SCAF11: variants seen among roughly 807,000 people sequenced by gnomAD.
SCAF11 encodes the protein protein SCAF11.
In SCAF11, 47 loss-of-function variants were observed where a neutral mutation model predicts 140.5. That is an observed-to-expected ratio of 0.33 (90% CI 0.26 to 0.43). The LOEUF (loss-of-function observed/expected upper bound fraction) is 0.43, where lower values mean the gene tolerates loss of function less well. Ranked by LOEUF, SCAF11 falls within the 20% of genes least tolerant of loss-of-function variation. The probability of loss-of-function intolerance (pLI) is 1.00; values close to 1 mark genes in which losing one functional copy is unlikely to be tolerated. For missense variants in SCAF11, 1,645 were observed against 1,705.1 expected, an observed-to-expected ratio of 0.96 and a Z score of 0.62; for synonymous variants, 557 against 579.4, an observed-to-expected ratio of 0.96 and a Z score of 0.55.
chr12:45,941,902 T>A (rs1436053761), intron 6 of SCAF11, among the ~76,000 whole-genome samples: 17 of 152,190 alleles, frequency 1.1e-4, no homozygotes, highest in Non-Finnish European at 2.9e-5. Flanking sequence ...CCCTTCCACC[T>A]TTTCTGCCAT....
chr12:45,949,812 T>C (rs572645705), intron 4 of SCAF11, among the ~76,000 whole-genome samples: 25 of 152,228 alleles, frequency 1.6e-4, no homozygotes, highest in African/African-American at 5.5e-4. Flanking sequence ...TGGCTCTCAG[T>C]AAAGAAGTCT....
Position 45,927,973 on chromosome 12 carries a change from C to T in SCAF11, c.1728G>A (p.Glu576=), listed in dbSNP as rs1474371028. 12 of 1,613,094 alleles carry T rather than the reference C, an allele frequency of 7.4e-6. No homozygotes were observed. The highest frequency in any genetic ancestry group is 2.7e-5 in the African/African-American group (2 of 74,908). Residue 576 remains glutamate (E), a synonymous_variant, in exon 11 of 15, where the codon GAG becomes GAA. Transcript: ENST00000369367. ...CPLSDLSENV[E]SVVNEEKITE... ...TTATTTTTTCTTCATTAACCACTGA[C>T]TCTACATTCTCAGATAAGTCACTTA...
rs377258916 is a variant in SCAF11, at chr12:45,926,754, G to A, written c.2947C>T (p.Arg983Trp). The change falls in exon 11 of 15, where the codon CGG becomes TGG. Residue 983 changes from arginine (R) to tryptophan (W), a missense_variant. By Grantham distance (101) the Arg-to-Trp change is moderately radical (BLOSUM62 -3). Coordinates refer to ENST00000369367, the MANE Select transcript of SCAF11 (RefSeq NM_004719.3). ...DGWRCPRGNDRYRKNDPEKQN... is the reference protein window; with the variant it reads ...DGWRCPRGNDWYRKNDPEKQN... ...TTCTCTGGGTCATTCTTTCTGTACC[G>A]ATCATTTCCTCGTGGACATCTCCAA... 56 of 1,613,796 alleles carry A rather than the reference G, an allele frequency of 3.5e-5. No homozygotes were observed. The highest frequency in any genetic ancestry group is 2.6e-4 in the South Asian group (24 of 91,066).
rs773693683 is a variant in SCAF11, at chr12:45,961,863, AAAGT to A, written c.62-10_62-7del. 6.3e-7 allele frequency: 1 copy of A among 1,595,398 alleles called. No homozygotes were observed. The highest frequency in any genetic ancestry group is 8.5e-7 in the Non-Finnish European group (1 of 1,172,232). ...ATTATCTCCGTTTTCTTCACCTGTTAAAGTAAAACAGCCATATGTGCTTTCAAGT... is the reference window on the plus strand; with the variant it reads ...ATTATCTCCGTTTTCTTCACCTGTTAAAAACAGCCATATGTGCTTTCAAGT... On this transcript the variant is annotated splice_polypyrimidine_tract_variant and splice_region_variant and intron_variant, in intron 2 of 14. Coordinates refer to ENST00000369367, the MANE Select transcript of SCAF11 (RefSeq NM_004719.3).
chr12:45,922,133 T>A lies in SCAF11; in HGVS notation c.4307A>T (p.Tyr1436Phe). ...STKVANLVKA[Y>F]VDKYKYSRKG... ...CCGTGAATATTTGTATTTGTCTACA[T>A]AGGCTTTAACCAGATTTGCCACTTT... The change falls in exon 15 of 15, where the codon TAT becomes TTT. Residue 1436 changes from tyrosine (Y) to phenylalanine (F), a missense_variant. By Grantham distance (22) the Tyr-to-Phe change is conservative. Coordinates refer to ENST00000369367, the MANE Select transcript of SCAF11 (RefSeq NM_004719.3). The A allele has an allele frequency of 6.2e-7, 1 of 1,613,932 alleles. No individual in the cohort carries two copies. The highest frequency in any genetic ancestry group is 8.5e-7 in the Non-Finnish European group (1 of 1,179,934).
chr12:45,924,401 G>C (rs1944794940), intron 12 of SCAF11, among the ~76,000 whole-genome samples: 1 of 152,012 alleles, frequency 6.6e-6, no homozygotes, highest in Non-Finnish European at 1.5e-5. Context: ...GTGCAAAACA[G>C]GGGAAAAATG....
At chr12:45,977,495 T>C (rs192814249) in intron 1 of SCAF11, among the ~76,000 whole-genome samples, 3 of 152,250 alleles carry the variant, frequency 2.0e-5, no homozygotes, top group East Asian at 3.9e-4. Flanking sequence ...TTGACTGTAG[T>C]GGTAATACAG....
At chr12:45,981,661 G>A (rs1225424871) in intron 1 of SCAF11, among the ~76,000 whole-genome samples, 2 of 152,078 alleles carry the variant, frequency 1.3e-5, no homozygotes, top group African/African-American at 2.4e-5. Context: ...GCCGAGTGTG[G>A]TGGCATGCCT....
At chr12:45,963,298 A>G (rs569261380) in intron 2 of SCAF11, among the ~76,000 whole-genome samples, 1 of 152,310 alleles carries the variant, frequency 6.6e-6, no homozygotes, top group South Asian at 2.1e-4. Flanking sequence ...CCTAGAAACA[A>G]TGGAGTAAAA....
intron 4 of SCAF11, among the ~76,000 whole-genome samples, chr12:45,949,175 T>C (rs940200550): frequency 2.0e-5 from 3 of 152,162 alleles, no homozygotes; most frequent in Admixed American, 6.6e-5. Context: ...CAGGCTCTTA[T>C]AGATAAACTA....
chr12:45,948,897 GA>G (rs1945486483), intron 4 of SCAF11, among the ~76,000 whole-genome samples: 1 of 151,968 alleles, frequency 6.6e-6, no homozygotes, highest in Non-Finnish European at 1.5e-5. Context: ...ATTGGTCTAA[GA>G]AAAAAATATT....
At chr12:45,966,893 AT>A (rs1481147819) in intron 1 of SCAF11, among the ~76,000 whole-genome samples, 3 of 152,332 alleles carry the variant, frequency 2.0e-5, no homozygotes, top group South Asian at 2.1e-4. Context: ...GAATAAAAAA[AT>A]ATTAAGGTTG....
intron 2 of SCAF11, among the ~76,000 whole-genome samples, chr12:45,962,156 C>T (rs1009769974): frequency 6.6e-6 from 1 of 152,114 alleles, no homozygotes; most frequent in Non-Finnish European, 1.5e-5. Flanking sequence ...CCATCCAGTT[C>T]CAACCAATCC....
intron 1 of SCAF11, among the ~76,000 whole-genome samples, chr12:45,985,108 T>C (rs1024107179): frequency 6.6e-6 from 1 of 152,208 alleles, no homozygotes; most frequent in Non-Finnish European, 1.5e-5. Flanking sequence ...GAAAGGTATT[T>C]AGAAAACAAG....
At chr12:45,990,282 C>T (rs1298219276) in intron 1 of SCAF11, 71 bp downstream of exon 1, 1 of 1,230,714 alleles carries the variant, frequency 8.1e-7, no homozygotes, top group Non-Finnish European at 1.0e-6. Flanking sequence ...CGCTCTGCGC[C>T]GGCCGCTAAC....
At chr12:45,958,359 CA>C (rs1298725109) in intron 3 of SCAF11, among the ~76,000 whole-genome samples, 1 of 152,168 alleles carries the variant, frequency 6.6e-6, no homozygotes, top group Non-Finnish European at 1.5e-5. Flanking sequence ...TAAAAGCTAT[CA>C]ATAAGTATAT....
intron 10 of SCAF11, 25 bp downstream of exon 10, chr12:45,931,481 T>C (rs371707436): frequency 7.4e-5 from 87 of 1,175,020 alleles, no homozygotes; most frequent in Admixed American, 2.6e-4. Context: ...ATTTTTAAAA[T>C]AGAAAATGAT....
intron 1 of SCAF11, among the ~76,000 whole-genome samples, chr12:45,976,431 A>C (rs1946236533): frequency 6.6e-6 from 1 of 152,146 alleles, no homozygotes; most frequent in Admixed American, 6.5e-5. Flanking sequence ...TTTATAAGTT[A>C]AACTTTATCA....
At chr12:45,937,735 T>C (rs1288995996) in intron 6 of SCAF11, among the ~76,000 whole-genome samples, 1 of 152,210 alleles carries the variant, frequency 6.6e-6, no homozygotes, top group Non-Finnish European at 1.5e-5. Flanking sequence ...CTTTGAAAAA[T>C]GCTCTTAGGT....
Sources: gnomAD v4.1 joint callset for allele counts (sites outside exome capture counted in the v4.1 genomes callset) on GRCh38, gnomAD v4.1.1 for gene constraint, MANE v1.5 for transcripts, NCBI Gene and HGNC (gene_info 2026-07-23, HGNC 2026-07-21) for gene names.